ARHGEF18: variants seen among roughly 807,000 people sequenced by gnomAD.
ARHGEF18 encodes Rho/Rac guanine nucleotide exchange factor 18, also known as rho guanine nucleotide exchange factor 18.
Under a neutral mutation model 155.7 loss-of-function variants are expected in ARHGEF18, and 93 were observed. The ratio of observed to expected loss-of-function variants is 0.60; its 90% CI spans 0.50 to 0.71. The LOEUF is 0.71. ARHGEF18 is among the 30% of genes least tolerant of loss of function. The probability of loss-of-function intolerance (pLI) is 0.00; values close to 1 mark genes in which losing one functional copy is unlikely to be tolerated. For synonymous variants in ARHGEF18, 742 were observed against 753.1 expected (o/e 0.99, Z 0.24); for missense variants, 1,593 against 1,816.1 (o/e 0.88, Z 2.23).
At chr19:7,366,118 G>A (rs1969876795) in intron 2 of ARHGEF18, among the ~76,000 whole-genome samples, 1 of 152,098 alleles carries the variant, frequency 6.6e-6, no homozygotes. Flanking sequence ...GCTAATTTTT[G>A]TATTTTTAGA....
At chr19:7,478,959 G>A in the ARHGEF18 span, among the ~76,000 whole-genome samples, 7 of 152,130 alleles carry the variant, frequency 4.6e-5, no homozygotes, top group African/African-American at 1.2e-4. Context: ...CTCTGCAGCC[G>A]TGCATGGCAC....
In ARHGEF18 at chr19:7,440,674, CG is replaced by C. The variant is rs1555721076; in HGVS notation, c.1106+196del. On this transcript the variant is annotated intron_variant, in intron 11 of 28. Coordinates refer to ENST00000668164, the MANE Select transcript of ARHGEF18 (RefSeq NM_001367823.1). The surrounding 1 kb of genome is among the most constrained non-coding windows in gnomAD (Gnocchi z 5.4). Reference sequence around the variant, plus strand: ...CCTTTTTTGCAAAAACGATGTGTCCCGGGGTGTATTCGGCCCCTGGTGGAGC... The same window carrying C: ...CCTTTTTTGCAAAAACGATGTGTCCCGGGTGTATTCGGCCCCTGGTGGAGC... Among the ~76,000 whole-genome samples, 2 of 152,132 alleles carry C rather than the reference CG, an allele frequency of 1.3e-5. No individual in the cohort carries two copies. Among genetic ancestry groups the C allele is most frequent in the Non-Finnish European group, 2.9e-5 (2 of 68,018 alleles).
downstream of ARHGEF18, chr19:7,472,999 C>A: frequency 4.4e-6 from 2 of 456,068 alleles, no homozygotes; most frequent in Non-Finnish European, 8.8e-6. Flanking sequence ...AGGAGTGGGG[C>A]GTGGAGGTGC....
At chr19:7,381,956 G>A (rs1047397204) in intron 8 of ARHGEF18, among the ~76,000 whole-genome samples, 18 of 152,222 alleles carry the variant, frequency 1.2e-4, no homozygotes, top group Admixed American at 3.9e-4. Flanking sequence ...TGGCGTCTCC[G>A]CCCAGGAAAT....
intron 10 of ARHGEF18, among the ~76,000 whole-genome samples, chr19:7,419,671 G>C (rs1973236491): frequency 6.6e-6 from 1 of 152,062 alleles, no homozygotes; most frequent in Admixed American, 6.6e-5. Context: ...ACCTCACGGA[G>C]GATTCTCCCA....
intron 10 of ARHGEF18, among the ~76,000 whole-genome samples, chr19:7,409,860 G>A (rs1238550558): frequency 1.5e-5 from 2 of 137,166 alleles, no homozygotes; most frequent in South Asian, 2.5e-4. Flanking sequence ...TGCAACCTCC[G>A]CCCTCCAAGT....
intron 10 of ARHGEF18, among the ~76,000 whole-genome samples, chr19:7,399,711 A>G (rs1325008964): frequency 6.7e-6 from 1 of 149,008 alleles, no homozygotes; most frequent in African/African-American, 2.5e-5. Context: ...CGATTTCCTG[A>G]CCTCGTGATC....
intron 1 of ARHGEF18, among the ~76,000 whole-genome samples, chr19:7,358,496 T>TCATC (rs959131785): frequency 7.3e-6 from 1 of 137,488 alleles, no homozygotes; most frequent in African/African-American, 2.7e-5. Flanking sequence ...ATCCACTCAT[T>TCATC]CATCCATCCA....
intron 3 of ARHGEF18, among the ~76,000 whole-genome samples, chr19:7,374,398 C>T (rs10408952): frequency 0.065 from 9,838 of 151,988 alleles, 1,038 homozygotes; most frequent in African/African-American, 0.22. Flanking sequence ...CATGTGAGGC[C>T]GGGCGCGGTG....
intron 1 of ARHGEF18, chr19:7,355,507 A>C: frequency 2.4e-5 from 13 of 547,476 alleles, no homozygotes; most frequent in Non-Finnish European, 3.0e-5. Flanking sequence ...CCAGGCTTCT[A>C]TCAGCTGATG....
At chr19:7,393,721 G>A (rs995144392) in intron 10 of ARHGEF18, among the ~76,000 whole-genome samples, 7 of 151,426 alleles carry the variant, frequency 4.6e-5, no homozygotes, top group African/African-American at 1.7e-4. Flanking sequence ...CTGTGTGGAA[G>A]TGGATAGGGG....
chr19:7,466,942 G>A lies in ARHGEF18; in HGVS notation c.2929G>A (p.Asp977Asn), dbSNP rs1343157117. The A allele has an allele frequency of 2.5e-6, 4 of 1,613,286 alleles. No homozygotes were observed. The highest frequency in any genetic ancestry group is 1.7e-5 in the Admixed American group (1 of 59,988). ...GGTGGAGGCGCCAGGCACGGAATCC[G>A]ATCCCCGTCTGCCCACCGTCCTGGA... The part of the protein sequence containing the change: ...QVVEAPGTES[D>N]PRLPTVLESE... The change falls in exon 24 of 29, where the codon GAT becomes AAT. Residue 977 changes from aspartate to asparagine, a missense_variant. Physicochemically the swap from Asp to Asn is conservative, Grantham distance 23. Coordinates refer to ENST00000668164, the MANE Select transcript of ARHGEF18 (RefSeq NM_001367823.1).
At chr19:7,436,224 A>T in intron 10 of ARHGEF18, among the ~76,000 whole-genome samples, 1 of 145,110 alleles carries the variant, frequency 6.9e-6, no homozygotes, top group Non-Finnish European at 1.5e-5. Context: ...TTTGCCATCA[A>T]CTTGATTTTG....
At position 7,440,007 on chromosome 19, in the gene ARHGEF18, G is replaced by T. The variant is rs1355871072; in HGVS notation, c.968-337G>T. The T allele has an allele frequency of 6.5e-7, 1 of 1,550,182 alleles. No homozygotes were observed. The highest frequency in any genetic ancestry group is 1.4e-5 in the African/African-American group (1 of 72,970). On this transcript the variant is annotated intron_variant, in intron 10 of 28. Transcript: ENST00000668164. The surrounding 1 kb of genome is among the most constrained non-coding windows in gnomAD (Gnocchi z 5.4). ...TGCTTCAGCCAATACAGCAAGGGAA[G>T]ACGCAGCTCTGTTTTCTAGAAGGAT...
intron 8 of ARHGEF18, among the ~76,000 whole-genome samples, chr19:7,381,598 A>G (rs1435597063): frequency 6.6e-6 from 1 of 152,040 alleles, no homozygotes; most frequent in East Asian, 1.9e-4. Context: ...CAATCACTTG[A>G]ACCCAGGAGG....
intron 16 of ARHGEF18, among the ~76,000 whole-genome samples, chr19:7,452,447 G>A (rs1975543686): frequency 6.6e-6 from 1 of 151,790 alleles, no homozygotes; most frequent in Admixed American, 6.6e-5. Flanking sequence ...GAGGTGGAGG[G>A]AATCTAATTT....
intron 1 of ARHGEF18, among the ~76,000 whole-genome samples, chr19:7,350,320 T>A (rs1033347248): frequency 6.6e-6 from 1 of 152,074 alleles, no homozygotes; most frequent in Non-Finnish European, 1.5e-5. Flanking sequence ...AGCTAGGAAG[T>A]GACGCTGGGG....
chr19:7,466,221 C>A (rs1353050422), intron 23 of ARHGEF18, among the ~76,000 whole-genome samples: 1 of 151,160 alleles, frequency 6.6e-6, no homozygotes. Context: ...CCGCCTCTAC[C>A]AAATATACAA....
At chr19:7,474,898 T>TG (rs1441582883), downstream of ARHGEF18, among the ~76,000 whole-genome samples, 5 of 151,416 alleles carry the variant, frequency 3.3e-5, no homozygotes, top group South Asian at 2.1e-4. Context: ...TTATGGGCCC[T>TG]GGGGGGCTTG....
Sources: allele counts gnomAD v4.1 joint callset (sites outside exome capture counted in the v4.1 genomes callset), GRCh38; gene constraint gnomAD v4.1.1; non-coding constraint Gnocchi (gnomAD v3.1); transcripts MANE v1.5; gene names NCBI Gene and HGNC (gene_info 2026-07-23, HGNC 2026-07-21).